The following AGBL4 variants were observed in gnomAD, a reference collection of about 807,000 sequenced individuals.
AGBL4 encodes cytosolic carboxypeptidase 6.
Under a neutral mutation model 66.4 loss-of-function variants are expected in AGBL4, and 58 were observed. That is an observed-to-expected ratio of 0.87 (90% CI 0.71 to 1.09). The LOEUF (loss-of-function observed/expected upper bound fraction) is 1.09, where lower values mean the gene tolerates loss of function less well. Among genes scored for constraint, AGBL4 ranks in the 50% least tolerant of loss-of-function variants. The pLI is 0.00. For synonymous variants in AGBL4, 234 were observed against 222.9 expected (o/e 1.05, Z -0.44); for missense variants, 579 against 631.0 (o/e 0.92, Z 0.88).
intron 11 of AGBL4, among the ~76,000 whole-genome samples, chr1:48,549,623 A>G (rs1644219931): frequency 6.6e-6 from 1 of 152,114 alleles, no homozygotes; most frequent in Non-Finnish European, 1.5e-5. Context: ...ATACAGAGAA[A>G]CTGGTCAGGA....
At chr1:49,057,180 C>G (rs1195048800) in intron 4 of AGBL4, among the ~76,000 whole-genome samples, 1 of 152,132 alleles carries the variant, frequency 6.6e-6, no homozygotes, top group African/African-American at 2.4e-5. Context: ...GCAGGTGGAT[C>G]CCTTGAGCTC....
chr1:48,987,830 T>C (rs1022824183), intron 5 of AGBL4, among the ~76,000 whole-genome samples: 1 of 152,128 alleles, frequency 6.6e-6, no homozygotes, highest in Admixed American at 6.6e-5. Flanking sequence ...TAAATGAGTT[T>C]AGCAATGTTG....
chr1:49,849,506 C>T (rs4534437), intron 2 of AGBL4, among the ~76,000 whole-genome samples: 115,915 of 144,744 alleles, frequency 0.8, 47,960 homozygotes, highest in Middle Eastern at 0.87. Context: ...CACACACACA[C>T]ACATACATAC....
At chr1:48,538,217 C>T (rs942305317) in intron 12 of AGBL4, among the ~76,000 whole-genome samples, 3 of 152,118 alleles carry the variant, frequency 2.0e-5, no homozygotes, top group Non-Finnish European at 4.4e-5. Context: ...GGCCCTGAGA[C>T]ATCACCCAAA....
At chr1:48,857,713 T>A (rs1279026246) in intron 6 of AGBL4, among the ~76,000 whole-genome samples, 2 of 151,700 alleles carry the variant, frequency 1.3e-5, no homozygotes, top group Non-Finnish European at 2.9e-5. Context: ...AAAGTGAGAC[T>A]CTGTCTAAAA....
intron 3 of AGBL4, among the ~76,000 whole-genome samples, chr1:49,393,792 T>C (rs149041304): frequency 1.9e-3 from 294 of 152,276 alleles, no homozygotes; most frequent in Non-Finnish European, 3.1e-3. Flanking sequence ...TGAGAGTGCA[T>C]TGTGATGTAG....
At chr1:49,149,377 T>C (rs1569834749) in intron 4 of AGBL4, among the ~76,000 whole-genome samples, 1 of 152,334 alleles carries the variant, frequency 6.6e-6, no homozygotes, top group East Asian at 1.9e-4. Flanking sequence ...ACACTTTCCT[T>C]GCACAAACAG....
intron 6 of AGBL4, among the ~76,000 whole-genome samples, chr1:48,743,547 G>C (rs1213198496): frequency 6.6e-6 from 1 of 152,196 alleles, no homozygotes; most frequent in African/African-American, 2.4e-5. Context: ...ATTAACTTTT[G>C]TGGGAGAACA....
intron 6 of AGBL4, among the ~76,000 whole-genome samples, chr1:48,680,445 G>A (rs758773666): frequency 6.6e-6 from 1 of 151,726 alleles, no homozygotes; most frequent in Non-Finnish European, 1.5e-5. Flanking sequence ...AATCCCAGGC[G>A]ATCAGAAAAA....
chr1:49,520,640 C>T (rs1429865128), intron 3 of AGBL4, among the ~76,000 whole-genome samples: 1 of 151,904 alleles, frequency 6.6e-6, no homozygotes, highest in East Asian at 1.9e-4. Flanking sequence ...GTTTCTAAAT[C>T]CTCATACGAA....
At chr1:48,868,670 T>A (rs764240507) in intron 5 of AGBL4, among the ~76,000 whole-genome samples, 9 of 152,238 alleles carry the variant, frequency 5.9e-5, no homozygotes, top group Admixed American at 1.3e-4. Context: ...CCTTGGTTTA[T>A]GTAAGATGGC....
intron 2 of AGBL4, among the ~76,000 whole-genome samples, chr1:49,836,429 T>G (rs925229083): frequency 4.3e-4 from 65 of 152,306 alleles, no homozygotes; most frequent in African/African-American, 1.5e-3. Flanking sequence ...CTCCATCAGG[T>G]CATTTATGTT....
chr1:49,296,949 C>G (rs1023933883), intron 3 of AGBL4, among the ~76,000 whole-genome samples: 1 of 152,114 alleles, frequency 6.6e-6, no homozygotes, highest in Non-Finnish European at 1.5e-5. Context: ...TTGATCTGAA[C>G]CTAAAGTCAA....
chr1:49,853,216 T>C (rs1646349088), intron 1 of AGBL4, among the ~76,000 whole-genome samples: 1 of 152,114 alleles, frequency 6.6e-6, no homozygotes, highest in African/African-American at 2.4e-5. Flanking sequence ...AAATAAAGCT[T>C]AATATGTTAA....
At chr1:49,936,807 CA>C (rs1374839918) in intron 1 of AGBL4, among the ~76,000 whole-genome samples, 1 of 152,046 alleles carries the variant, frequency 6.6e-6, no homozygotes, top group African/African-American at 2.4e-5. Context: ...TTTGTCACCA[CA>C]AGGCCTGCCA....
At chr1:49,129,728 G>C (rs948297017) in intron 4 of AGBL4, among the ~76,000 whole-genome samples, 36 of 152,232 alleles carry the variant, frequency 2.4e-4, no homozygotes, top group Admixed American at 4.6e-4. Context: ...GGACATTTGG[G>C]TTGGTTCCAA....
intron 2 of AGBL4, among the ~76,000 whole-genome samples, chr1:49,778,237 C>A (rs1454200339): frequency 1.3e-5 from 2 of 152,110 alleles, no homozygotes; most frequent in Admixed American, 1.3e-4. Context: ...CCAACATGGG[C>A]AATCCAAGAA....
intron 11 of AGBL4, among the ~76,000 whole-genome samples, chr1:48,565,233 C>T (rs1324603079): frequency 6.6e-6 from 1 of 152,188 alleles, no homozygotes; most frequent in Non-Finnish European, 1.5e-5. Context: ...GCTTGATCCA[C>T]TGCAGCACTG....
At chr1:49,858,435 C>T (rs1646486369) in intron 1 of AGBL4, among the ~76,000 whole-genome samples, 1 of 151,962 alleles carries the variant, frequency 6.6e-6, no homozygotes, top group Admixed American at 6.6e-5. Flanking sequence ...ATCTAACAGA[C>T]AGATTACCAT....
Sources: gnomAD v4.1 joint callset for allele counts (sites outside exome capture counted in the v4.1 genomes callset) on GRCh38, gnomAD v4.1.1 for gene constraint, MANE v1.5 for transcripts, NCBI Gene and HGNC (gene_info 2026-07-23, HGNC 2026-07-21) for gene names.